NID1: variants seen among roughly 807,000 people sequenced by gnomAD.
NID1 encodes the protein nidogen 1.
NID1 carries 76 observed loss-of-function variants against 130.6 expected under a neutral mutation model. That is an observed-to-expected ratio of 0.58 (90% CI 0.48 to 0.70). The LOEUF (loss-of-function observed/expected upper bound fraction) is 0.70, where lower values mean the gene tolerates loss of function less well. NID1 is among the 30% of genes least tolerant of loss of function. NID1 has a pLI of 0.00. For missense variants in NID1, 1,517 were observed against 1,664.8 expected, an observed-to-expected ratio of 0.91 and a Z score of 1.54; for synonymous variants, 665 against 675.1, an observed-to-expected ratio of 0.98 and a Z score of 0.23.
At chr1:236,025,423 G>C (rs1658898854) in intron 8 of NID1, among the ~76,000 whole-genome samples, 1 of 151,310 alleles carries the variant, frequency 6.6e-6, no homozygotes, top group Non-Finnish European at 1.5e-5. Flanking sequence ...CATCATGCCT[G>C]GCTAATTTTT....
rs1659577273 is a variant in NID1, at chr1:236,045,549, T to C, written c.660A>G (p.Ala220=). 3 of 1,614,164 alleles carry C rather than the reference T, an allele frequency of 1.9e-6. No individual in the cohort carries two copies. Among genetic ancestry groups the C allele is most frequent in the Non-Finnish European group, 2.5e-6 (3 of 1,180,018 alleles). ...AGAATCCCACTGAACCTTGACTGAA[T>C]GCAACCACGGCAGGAACTTGGTTGT... ...KENNQVPAVV[A]FSQGSVGFLW... The change falls in exon 3 of 20, where the codon GCA becomes GCG. Residue 220 remains alanine, a synonymous_variant. Transcript: ENST00000264187.
At chr1:236,016,790 C>T (rs1658605239) in intron 10 of NID1, among the ~76,000 whole-genome samples, 1 of 152,050 alleles carries the variant, frequency 6.6e-6, no homozygotes, top group African/African-American at 2.4e-5. Context: ...AAGGTGCTCC[C>T]TCAATGTGAA....
chr1:236,058,442 G>A (rs761046782), intron 1 of NID1, among the ~76,000 whole-genome samples: 3 of 152,082 alleles, frequency 2.0e-5, no homozygotes, highest in Admixed American at 6.5e-5. Flanking sequence ...GGGTGAAAAT[G>A]CCAAGCACCA....
Position 236,045,525 on chromosome 1 carries a change from G to C in NID1, c.684C>G (p.Phe228Leu), listed in dbSNP as rs1190382364. The change falls in exon 3 of 20, where the codon TTC becomes TTG. Residue 228 changes from phenylalanine to leucine, a missense_variant. Phe to Leu is a conservative substitution (Grantham distance 22). Coordinates refer to ENST00000264187, the MANE Select transcript of NID1 (RefSeq NM_002508.3). ...TATAAGCTCCGTTGCTCTTCCATAA[G>C]AATCCCACTGAACCTTGACTGAATG... is the stretch of plus-strand genomic sequence containing the variant. Reference protein sequence around the residue: ...VVAFSQGSVGFLWKSNGAYNI... With the variant: ...VVAFSQGSVGLLWKSNGAYNI... The C allele has an allele frequency of 6.2e-7, 1 of 1,614,012 alleles. No individual in the cohort carries two copies. Among genetic ancestry groups the C allele is most frequent in the Non-Finnish European group, 8.5e-7 (1 of 1,180,042 alleles).
In NID1 at chr1:235,986,681, C is replaced by T. The variant is rs1286361372; in HGVS notation, c.2929-1176G>A. On this transcript the variant is annotated intron_variant, in intron 14 of 19. Coordinates refer to ENST00000264187, the MANE Select transcript of NID1 (RefSeq NM_002508.3). ...CTCACTATGTTGCCCAGGCTGGTCT[C>T]GAACTCCTGAGCTCAACTGATCCAG... Among the ~76,000 whole-genome samples the T allele has an allele frequency of 5.3e-5, 8 of 152,152 alleles. No individual in the cohort carries two copies. The East Asian group carries it at 5.8e-4, about 11-fold the overall frequency.
intron 5 of NID1, 61 bp from the exon 6 acceptor site, chr1:236,032,713 A>G: frequency 6.3e-7 from 1 of 1,589,772 alleles, no homozygotes; most frequent in Non-Finnish European, 8.6e-7. Flanking sequence ...TTCAAACACG[A>G]GTAATATGTA....
chr1:235,979,707 C>A lies in NID1; in HGVS notation c.3509+115G>T. The stretch of plus-strand genomic sequence containing the variant: ...GGAGAGGGGACATCTCTAGAGGGGG[C>A]ATTTCTGGAGGCTCAAAAGTCAAGC... On this transcript the variant is annotated intron_variant, in intron 18 of 19. Coordinates refer to ENST00000264187, the MANE Select transcript of NID1 (RefSeq NM_002508.3). This position sits in a 1 kb window ranked among gnomAD's most constrained non-coding sequence, Gnocchi z 4.6. 2 of 1,153,202 alleles carry A rather than the reference C, an allele frequency of 1.7e-6. No homozygotes were observed. The highest frequency in any genetic ancestry group is 3.9e-5 in the Admixed American group (2 of 51,594). 71.4% of individuals were successfully genotyped at this position (1,153,202 alleles called of 1,614,324 possible).
At chr1:236,015,176 C>A (rs147778250) in intron 10 of NID1, among the ~76,000 whole-genome samples, 18 of 152,284 alleles carry the variant, frequency 1.2e-4, no homozygotes, top group Non-Finnish European at 2.1e-4. Context: ...AGGCTTCCGA[C>A]CTAGAACACT....
In NID1 at chr1:235,993,670, C is replaced by T; in HGVS notation, c.2730G>A (p.Arg910=). 10 of 1,572,106 alleles carry T rather than the reference C, an allele frequency of 6.4e-6. No homozygotes were observed. The highest frequency in any genetic ancestry group is 2.7e-5 in the African/African-American group (2 of 74,098). ...DRDGREVEGT[R]TRPGMTPPCL... ...ACGGGGGCGTCATCCCGGGCCTGGT[C>T]CTGGTGCCCTCCACCTCGCGGCCGT... Residue 910 remains arginine, a synonymous_variant, in exon 13 of 20, where the codon AGG becomes AGA. Transcript: ENST00000264187.
intron 12 of NID1, among the ~76,000 whole-genome samples, chr1:235,998,997 C>T (rs1658004385): frequency 6.6e-6 from 1 of 152,208 alleles, no homozygotes; most frequent in Admixed American, 6.5e-5. Context: ...TCTAGCCCCG[C>T]CCTTCTGGTC....
intron 1 of NID1, among the ~76,000 whole-genome samples, chr1:236,054,758 C>T (rs1442482398): frequency 6.6e-6 from 1 of 151,672 alleles, no homozygotes; most frequent in Non-Finnish European, 1.5e-5. Flanking sequence ...TCTCCTGCCT[C>T]AGCCTCCCGA....
chr1:235,997,450 T>C (rs1572584604), intron 12 of NID1, among the ~76,000 whole-genome samples: 1 of 152,174 alleles, frequency 6.6e-6, no homozygotes, highest in East Asian at 1.9e-4. Context: ...TATGTACTTA[T>C]TTGTATATAT....
chr1:236,064,770 T>C (rs940290761), intron 1 of NID1, 85 bp downstream of exon 1: 6 of 1,332,238 alleles, frequency 4.5e-6, no homozygotes, highest in Non-Finnish European at 6.2e-6. Context: ...CCCCGCCTGC[T>C]ACGCCCAAGT....
intron 13 of NID1, among the ~76,000 whole-genome samples, chr1:235,992,571 G>A (rs1657788295): frequency 1.3e-5 from 2 of 152,036 alleles, no homozygotes; most frequent in South Asian, 2.1e-4. Context: ...CGCAAGCCAG[G>A]ATTCCGCCTC....
At chr1:235,978,913 C>G in intron 19 of NID1, 82 bp downstream of exon 19, 1 of 894,004 alleles carries the variant, frequency 1.1e-6, no homozygotes, top group South Asian at 1.4e-5. Flanking sequence ...CTACTAGTGG[C>G]CATACGGGTA....
chr1:236,022,050 G>T (rs1282429334), intron 9 of NID1, among the ~76,000 whole-genome samples: 1 of 152,074 alleles, frequency 6.6e-6, no homozygotes, highest in South Asian at 2.1e-4. Context: ...CAAGTGGATT[G>T]CTTGAGCCCA....
At chr1:236,057,783 A>G (rs921459537) in intron 1 of NID1, among the ~76,000 whole-genome samples, 1 of 152,184 alleles carries the variant, frequency 6.6e-6, no homozygotes, top group Non-Finnish European at 1.5e-5. Context: ...AAAGAAAAAA[A>G]GAAAAAGAAA....
At chr1:236,025,111 C>T (rs1658883824) in intron 8 of NID1, among the ~76,000 whole-genome samples, 1 of 151,604 alleles carries the variant, frequency 6.6e-6, no homozygotes, top group Non-Finnish European at 1.5e-5. Flanking sequence ...ACCACCACAC[C>T]CAGCTAAATT....
In NID1 at chr1:235,979,824, C is replaced by T. The variant is rs200587626; in HGVS notation, c.3507G>A (p.Lys1169=). ...CCCCATGGCTACAGCTGACGTACAT[C>T]TTCCAGTCTGTGAAATACAGATTCT... is the stretch of plus-strand genomic sequence containing the variant. The part of the protein sequence containing the change: ...YGKNLYFTDW[K]MNSVVALDLA... The change falls in exon 18 of 20, where the codon AAG becomes AAA. Residue 1169 remains lysine (K), a splice_region_variant and synonymous_variant. Transcript: ENST00000264187. This position sits in a 1 kb window ranked among gnomAD's most constrained non-coding sequence, Gnocchi z 4.6. 2.5e-6 allele frequency: 4 copies of T among 1,613,784 alleles called. No homozygotes were observed. Among genetic ancestry groups the T allele is most frequent in the African/African-American group, 2.7e-5 (2 of 75,022 alleles).
Sources: gnomAD v4.1 joint callset for allele counts (sites outside exome capture counted in the v4.1 genomes callset) on GRCh38, gnomAD v4.1.1 for gene constraint, Gnocchi (gnomAD v3.1) non-coding constraint, MANE v1.5 for transcripts, NCBI Gene and HGNC (gene_info 2026-07-23, HGNC 2026-07-21) for gene names.